Variants in GRIA4 observed in about 807,000 individuals in gnomAD.
The protein encoded by GRIA4 is glutamate ionotropic receptor AMPA type subunit 4, also known as glutamate receptor 4.
GRIA4 carries 34 observed loss-of-function variants against 104.0 expected under a neutral mutation model. The observed-to-expected ratio is 0.33, with a 90% CI of 0.25 to 0.44. GRIA4 has a LOEUF of 0.44. GRIA4 is among the 20% of genes least tolerant of loss of function. GRIA4 has a pLI of 1.00. For missense variants in GRIA4, 750 were observed against 1,096.5 expected (o/e 0.68, Z 4.46); for synonymous variants, 386 against 381.9 (o/e 1.01, Z -0.13).
intron 3 of GRIA4, among the ~76,000 whole-genome samples, chr11:105,728,541 T>A (rs1223292305): frequency 6.6e-6 from 1 of 152,044 alleles, no homozygotes; most frequent in Non-Finnish European, 1.5e-5. Context: ...CCCAAAGCAA[T>A]AGAATATACA....
At chr11:105,875,843 G>T (rs1285391555) in intron 5 of GRIA4, among the ~76,000 whole-genome samples, 1 of 151,386 alleles carries the variant, frequency 6.6e-6, no homozygotes, top group African/African-American at 2.4e-5. Context: ...TATCTATTTT[G>T]TTAATCTTTT....
In GRIA4 at chr11:105,811,662, C is replaced by A. The variant is rs537896279; in HGVS notation, c.488-50362C>A. On this transcript the variant is annotated intron_variant, in intron 4 of 16. Transcript: ENST00000282499. ...TTTAAATTTCAGATAAACAATGCAG[C>A]AAATTTTTTGGAAAAGTGTGTTACA... Among the ~76,000 whole-genome samples the A allele has an allele frequency of 2.6e-5, 4 of 152,186 alleles. No individual in the cohort carries two copies. The South Asian group carries it at 8.3e-4, about 32-fold the overall frequency.
chr11:105,818,584 A>T (rs1456463976), intron 4 of GRIA4, among the ~76,000 whole-genome samples: 1 of 152,194 alleles, frequency 6.6e-6, no homozygotes, highest in Non-Finnish European at 1.5e-5. Flanking sequence ...GAATGTTCAC[A>T]AACATCCTCT....
chr11:105,829,791 T>C (rs1371726654), intron 4 of GRIA4, among the ~76,000 whole-genome samples: 2 of 151,860 alleles, frequency 1.3e-5, no homozygotes, highest in Non-Finnish European at 2.9e-5. Context: ...AGAAAGCTAT[T>C]TTATCCATAT....
intron 4 of GRIA4, among the ~76,000 whole-genome samples, chr11:105,811,409 G>A (rs1565254909): frequency 6.6e-6 from 1 of 151,946 alleles, no homozygotes; most frequent in South Asian, 2.1e-4. Flanking sequence ...TTCTTTTGGC[G>A]TGGCAAGTCC....
chr11:105,671,677 CAAAAAAA>C (rs377767108), intron 3 of GRIA4, among the ~76,000 whole-genome samples: 9 of 64,582 alleles, frequency 1.4e-4, no homozygotes, highest in African/African-American at 2.8e-4. Context: ...GACTCTGTCT[CAAAAAAA>C]AAAAAAAAAA....
At chr11:105,929,351 C>A (rs191969426) in intron 13 of GRIA4, among the ~76,000 whole-genome samples, 20 of 152,162 alleles carry the variant, frequency 1.3e-4, no homozygotes, top group Admixed American at 3.3e-4. Flanking sequence ...CAGTTATAAT[C>A]AACTGAAAAA....
intron 13 of GRIA4, among the ~76,000 whole-genome samples, chr11:105,931,833 TC>T (rs1402515210): frequency 2.0e-5 from 3 of 152,314 alleles, no homozygotes; most frequent in Non-Finnish European, 1.5e-5. Context: ...ACTTATGAAA[TC>T]AAAAATTTGA....
At chr11:105,686,877 G>A (rs1952899444) in intron 3 of GRIA4, among the ~76,000 whole-genome samples, 1 of 152,106 alleles carries the variant, frequency 6.6e-6, no homozygotes, top group Admixed American at 6.5e-5. Context: ...GTCATCTTTT[G>A]AGAAGTGTCT....
At chr11:105,774,093 A>G (rs1941347169) in intron 4 of GRIA4, among the ~76,000 whole-genome samples, 1 of 151,610 alleles carries the variant, frequency 6.6e-6, no homozygotes, top group Non-Finnish European at 1.5e-5. Flanking sequence ...AGTAGATTAC[A>G]GAAAAGTAAA....
At chr11:105,899,977 C>T (rs1005675902) in intron 7 of GRIA4, among the ~76,000 whole-genome samples, 2 of 152,096 alleles carry the variant, frequency 1.3e-5, no homozygotes, top group Non-Finnish European at 2.9e-5. Context: ...CAGCAAAAAG[C>T]ACAAAACTGC....
intron 4 of GRIA4, among the ~76,000 whole-genome samples, chr11:105,856,020 A>C (rs1384958253): frequency 6.6e-6 from 1 of 152,150 alleles, no homozygotes; most frequent in Non-Finnish European, 1.5e-5. Flanking sequence ...TAGTAGTCTG[A>C]CTCAAATCAT....
In GRIA4 at chr11:105,647,665, C is replaced by T. The variant is rs146082174; in HGVS notation, c.247+35231C>T. Among the ~76,000 whole-genome samples the T allele has an allele frequency of 3.3e-3, 495 of 152,214 alleles. 9 individuals carry two copies. In the East Asian group the frequency reaches 0.043, roughly 13 times the overall value. On this transcript the variant is annotated intron_variant, in intron 3 of 16. Coordinates refer to ENST00000282499, the MANE Select transcript of GRIA4 (RefSeq NM_000829.4). ...GCAAGGACATGGATGGAGCTGGAGG[C>T]CATTATCTTCAGCAAACTAATGCAG...
At chr11:105,822,806 T>A (rs1265743427) in intron 4 of GRIA4, among the ~76,000 whole-genome samples, 1 of 152,118 alleles carries the variant, frequency 6.6e-6, no homozygotes, top group Non-Finnish European at 1.5e-5. Context: ...AAGTATATAA[T>A]AAAAATTGAT....
chr11:105,793,481 T>A (rs117690316), intron 4 of GRIA4, among the ~76,000 whole-genome samples: 4,047 of 152,200 alleles, frequency 0.027, 93 homozygotes, highest in Non-Finnish European at 0.039. Flanking sequence ...GCATATAATG[T>A]CACTTTTTAA....
chr11:105,797,593 A>G (rs935004274), intron 4 of GRIA4: 1 of 234,104 alleles, frequency 4.3e-6, no homozygotes, highest in Non-Finnish European at 8.8e-6. Context: ...GTCACTCAAG[A>G]CTGCAGTGTC....
chr11:105,653,983 C>G (rs1408229288), intron 3 of GRIA4, among the ~76,000 whole-genome samples: 1 of 66,028 alleles, frequency 1.5e-5, no homozygotes, highest in Non-Finnish European at 2.9e-5. Context: ...GTATATGCAA[C>G]GGAACACTAT....
intron 4 of GRIA4, among the ~76,000 whole-genome samples, chr11:105,792,830 C>G (rs1208972472): frequency 6.6e-6 from 1 of 152,112 alleles, no homozygotes; most frequent in Non-Finnish European, 1.5e-5. Flanking sequence ...GAGCAGGAGA[C>G]AGACCCTAAA....
intron 3 of GRIA4, among the ~76,000 whole-genome samples, chr11:105,621,734 T>A (rs1002793925): frequency 6.6e-6 from 1 of 151,948 alleles, no homozygotes; most frequent in East Asian, 1.9e-4. Flanking sequence ...GGAGGTAAAA[T>A]TGCTATATCA....
Sources: gnomAD v4.1 joint callset for allele counts (sites outside exome capture counted in the v4.1 genomes callset) on GRCh38, gnomAD v4.1.1 for gene constraint, MANE v1.5 for transcripts, NCBI Gene and HGNC (gene_info 2026-07-23, HGNC 2026-07-21) for gene names.